Variants in STAU2 observed in about 807,000 individuals in gnomAD.
STAU2 encodes the protein staufen double-stranded RNA binding protein 2.
In STAU2, 20 loss-of-function variants were observed where a neutral mutation model predicts 65.9. The observed-to-expected ratio is 0.30, with a 90% confidence interval of 0.21 to 0.44. The LOEUF (loss-of-function observed/expected upper bound fraction) is 0.44. Among genes scored for constraint, STAU2 ranks in the 20% least tolerant of loss-of-function variants. The probability of loss-of-function intolerance (pLI) is 1.00; values close to 1 mark genes in which losing one functional copy is unlikely to be tolerated. For synonymous variants in STAU2, 232 were observed against 233.9 expected (o/e 0.99, Z 0.07); for missense variants, 558 against 683.9 (o/e 0.82, Z 2.05).
chr8:73,576,155 C>G (rs1428208869), intron 12 of STAU2, among the ~76,000 whole-genome samples: 2 of 152,054 alleles, frequency 1.3e-5, no homozygotes, highest in African/African-American at 2.4e-5. Context: ...CTCCCAGAAA[C>G]TCTTATACAT....
intron 9 of STAU2, among the ~76,000 whole-genome samples, chr8:73,605,191 A>G (rs1811918871): frequency 6.6e-6 from 1 of 152,104 alleles, no homozygotes; most frequent in African/African-American, 2.4e-5. Flanking sequence ...AAAGCCTGCT[A>G]AAACTACAAA....
intron 6 of STAU2, chr8:73,653,843 C>A (rs1034301222): frequency 4.7e-6 from 2 of 426,822 alleles, no homozygotes; most frequent in African/African-American, 2.1e-5. Context: ...AATTTGTCTT[C>A]AAATCCCTTT....
At chr8:73,705,537 T>A (rs1435301607) in intron 4 of STAU2, among the ~76,000 whole-genome samples, 1 of 152,190 alleles carries the variant, frequency 6.6e-6, no homozygotes, top group Non-Finnish European at 1.5e-5. Flanking sequence ...CATATTCTAA[T>A]TAAAACAGCC....
intron 13 of STAU2, among the ~76,000 whole-genome samples, chr8:73,435,036 GGAA>G (rs2128885459): frequency 7.8e-6 from 1 of 128,834 alleles, no homozygotes; most frequent in South Asian, 2.4e-4. Flanking sequence ...CCTAGCCTCA[GGAA>G]CACCTGGCAG....
Position 73,477,595 on chromosome 8 carries a change from G to A in STAU2, c.1531-54893C>T, listed in dbSNP as rs79391150. On this transcript the variant is annotated intron_variant, in intron 13 of 14. Coordinates refer to ENST00000524300, the MANE Select transcript of STAU2 (RefSeq NM_001164380.2). ...TGGCTGCTGTGCAGAAAGGACTGGCGGCAGGCCTGAGTACAGGAAGAACAG... is the reference window on the plus strand; with the variant it reads ...TGGCTGCTGTGCAGAAAGGACTGGCAGCAGGCCTGAGTACAGGAAGAACAG... 7.7e-3 allele frequency among the ~76,000 whole-genome samples: 1,173 copies of A among 152,266 alleles called. 11 individuals are homozygous for A. The highest frequency in any genetic ancestry group is 0.027 in the African/African-American group (1,107 of 41,554).
At chr8:73,449,901 A>ACTATCTGGACCCT (rs2128894629) in intron 13 of STAU2, among the ~76,000 whole-genome samples, 4 of 152,352 alleles carry the variant, frequency 2.6e-5, no homozygotes, top group African/African-American at 9.6e-5. Flanking sequence ...ATCTGGACCC[A>ACTATCTGGACCCT]GCCCGTTGGG....
chr8:73,677,355 T>G (rs1206345122), intron 5 of STAU2, among the ~76,000 whole-genome samples: 1 of 152,170 alleles, frequency 6.6e-6, no homozygotes, highest in Admixed American at 6.5e-5. Context: ...ATCCTAGATA[T>G]ATTCCCAAGA....
chr8:73,446,516 G>C (rs778630071), intron 13 of STAU2, among the ~76,000 whole-genome samples: 1 of 152,098 alleles, frequency 6.6e-6, no homozygotes, highest in African/African-American at 2.4e-5. Flanking sequence ...AGAGTACGTG[G>C]GACCTCTCTG....
intron 11 of STAU2, among the ~76,000 whole-genome samples, chr8:73,591,649 A>G (rs1810785129): frequency 6.6e-6 from 1 of 152,072 alleles, no homozygotes; most frequent in Non-Finnish European, 1.5e-5. Context: ...CAAAGACACA[A>G]CACTAACTGT....
At chr8:73,446,300 T>C (rs1818462906) in intron 13 of STAU2, among the ~76,000 whole-genome samples, 1 of 152,160 alleles carries the variant, frequency 6.6e-6, no homozygotes, top group African/African-American at 2.4e-5. Context: ...GAAGTAGGTG[T>C]GAGGGGAGAA....
intron 5 of STAU2, among the ~76,000 whole-genome samples, chr8:73,674,725 T>G (rs1464668567): frequency 6.7e-6 from 1 of 150,094 alleles, no homozygotes; most frequent in Non-Finnish European, 1.5e-5. Context: ...AAAATATACA[T>G]AAAATAGACT....
chr8:73,559,374 T>G (rs568166424), intron 12 of STAU2, among the ~76,000 whole-genome samples: 1 of 152,344 alleles, frequency 6.6e-6, no homozygotes, highest in East Asian at 1.9e-4. Flanking sequence ...GCAGCACCAT[T>G]CCTAGATATA....
At chr8:73,561,307 G>C (rs553456963) in intron 12 of STAU2, 1 of 324,822 alleles carries the variant, frequency 3.1e-6, no homozygotes, top group Non-Finnish European at 6.0e-6. Flanking sequence ...GGCTTATTTA[G>C]AAGAAATTTT....
At chr8:73,611,775 T>C (rs554777172) in intron 9 of STAU2, among the ~76,000 whole-genome samples, 1 of 151,900 alleles carries the variant, frequency 6.6e-6, no homozygotes, top group South Asian at 2.1e-4. Context: ...GCCTCCTAGG[T>C]TCAAGCGATT....
chr8:73,653,479 G>C (rs1297524067), intron 6 of STAU2: 1 of 152,364 alleles, frequency 6.6e-6, no homozygotes, highest in African/African-American at 2.4e-5. Flanking sequence ...TAAGGAGTGT[G>C]GTTAACTGTA....
intron 4 of STAU2, among the ~76,000 whole-genome samples, chr8:73,697,887 C>T (rs1586296466): frequency 1.3e-5 from 2 of 152,200 alleles, no homozygotes; most frequent in Admixed American, 6.5e-5. Flanking sequence ...TGAGACCAGC[C>T]TTGCCATCAC....
chr8:73,471,355 T>C lies in STAU2; in HGVS notation c.1531-48653A>G, dbSNP rs567294951. Among the ~76,000 whole-genome samples the C allele has an allele frequency of 6.6e-5, 10 of 151,600 alleles. No individual in the cohort carries two copies. In the South Asian group the frequency reaches 2.1e-3, roughly 32 times the overall value. On this transcript the variant is annotated intron_variant, in intron 13 of 14. Transcript: ENST00000524300. The stretch of plus-strand genomic sequence containing the variant: ...GCCTGGCTAATTTATTTTTTTATTT[T>C]TATTTTTTTTTTAGTAAAGATGGCG...
intron 13 of STAU2, among the ~76,000 whole-genome samples, chr8:73,546,649 A>G (rs993577140): frequency 2.0e-5 from 3 of 152,122 alleles, no homozygotes; most frequent in African/African-American, 7.2e-5. Context: ...GCAACATTCC[A>G]CATACTGTTC....
intron 13 of STAU2, among the ~76,000 whole-genome samples, chr8:73,494,778 A>G (rs1041684366): frequency 2.6e-5 from 4 of 151,742 alleles, no homozygotes; most frequent in African/African-American, 9.7e-5. Flanking sequence ...ATTGTAAGCC[A>G]CTTGTATTGT....
Sources: gnomAD v4.1 joint callset for allele counts (sites outside exome capture counted in the v4.1 genomes callset) on GRCh38, gnomAD v4.1.1 for gene constraint, MANE v1.5 for transcripts, NCBI Gene and HGNC (gene_info 2026-07-23, HGNC 2026-07-21) for gene names.